The following GNG4 variants were observed in gnomAD, a reference collection of about 807,000 sequenced individuals.
GNG4 encodes the protein guanine nucleotide-binding protein G(I)/G(S)/G(O) subunit gamma-4.
Under a neutral mutation model 5.8 loss-of-function variants are expected in GNG4, and 4 were observed. That is an observed-to-expected ratio of 0.69 (90% CI 0.34 to 1.57). The LOEUF (loss-of-function observed/expected upper bound fraction) is 1.57. Among genes scored for constraint, GNG4 ranks in the 40% most tolerant of loss-of-function variants. GNG4 has a pLI of 0.06. For missense variants in GNG4, 96 were observed against 95.1 expected (o/e 1.01, Z -0.04); for synonymous variants, 29 against 32.9 (o/e 0.88, Z 0.41).
chr1:235,647,113 T>C (rs6680417), intron 1 of GNG4, among the ~76,000 whole-genome samples: 104,541 of 151,946 alleles, frequency 0.69, 36,608 homozygotes, highest in African/African-American at 0.78. Flanking sequence ...TGTTGATAGG[T>C]TATTTATGTA....
At chr1:235,631,633 C>A (rs1303494423) in intron 1 of GNG4, among the ~76,000 whole-genome samples, 1 of 150,538 alleles carries the variant, frequency 6.6e-6, no homozygotes, top group African/African-American at 2.5e-5. Flanking sequence ...TGCAGTGGTG[C>A]TATCTTGGCT....
At chr1:235,581,509 C>T (rs1236966829) in intron 3 of GNG4, among the ~76,000 whole-genome samples, 11 of 151,396 alleles carry the variant, frequency 7.3e-5, no homozygotes, top group African/African-American at 2.7e-4. Context: ...AGCGAGACTC[C>T]GTCTCAAAAA....
At chr1:235,587,328 A>C (rs370705237) in intron 2 of GNG4, among the ~76,000 whole-genome samples, 1 of 51,724 alleles carries the variant, frequency 1.9e-5, no homozygotes, top group South Asian at 7.9e-4. Context: ...TGTGTGTGAG[A>C]GTGTGAGAGC....
intron 1 of GNG4, among the ~76,000 whole-genome samples, chr1:235,628,269 A>G (rs1688859236): frequency 6.6e-6 from 1 of 152,210 alleles, no homozygotes; most frequent in African/African-American, 2.4e-5. Context: ...CCAAAAGCCT[A>G]AACCCCAGAG....
At chr1:235,609,777 C>T (rs894014675) in intron 1 of GNG4, among the ~76,000 whole-genome samples, 1 of 151,856 alleles carries the variant, frequency 6.6e-6, no homozygotes, top group Non-Finnish European at 1.5e-5. Flanking sequence ...TGTGGTGGCA[C>T]ACACTTGTAG....
chr1:235,575,555 C>T (rs1207450939), intron 3 of GNG4, among the ~76,000 whole-genome samples: 1 of 152,212 alleles, frequency 6.6e-6, no homozygotes, highest in African/African-American at 2.4e-5. Context: ...TTAATCTCAG[C>T]CTAAGGGCAG....
chr1:235,574,248 G>A (rs910274826), intron 3 of GNG4, among the ~76,000 whole-genome samples: 1 of 152,118 alleles, frequency 6.6e-6, no homozygotes, highest in Non-Finnish European at 1.5e-5. Flanking sequence ...GCACAGGCTT[G>A]TAATTCCAGC....
At chr1:235,553,200 G>T (rs1055798397) in intron 3 of GNG4, among the ~76,000 whole-genome samples, 1 of 152,210 alleles carries the variant, frequency 6.6e-6, no homozygotes, top group Non-Finnish European at 1.5e-5. Context: ...CTGTCCCCAA[G>T]CTCAAGGCCA....
At chr1:235,630,599 G>A (rs571462181) in intron 1 of GNG4, among the ~76,000 whole-genome samples, 4 of 152,188 alleles carry the variant, frequency 2.6e-5, no homozygotes, top group East Asian at 3.9e-4. Flanking sequence ...CCTGTCATAC[G>A]CAAGTCCTGT....
At chr1:235,564,932 C>T (rs1354395888) in intron 3 of GNG4, among the ~76,000 whole-genome samples, 1 of 152,162 alleles carries the variant, frequency 6.6e-6, no homozygotes, top group Non-Finnish European at 1.5e-5. Context: ...ATCCGCCCAC[C>T]TTGGCCTCCC....
At chr1:235,564,797 T>C (rs531956480) in intron 3 of GNG4, among the ~76,000 whole-genome samples, 144 of 152,312 alleles carry the variant, frequency 9.5e-4, no homozygotes, top group African/African-American at 3.4e-3. Flanking sequence ...GCGATTCTTC[T>C]GCCTCAGCCC....
At chr1:235,639,030 C>T (rs181074258) in intron 1 of GNG4, among the ~76,000 whole-genome samples, 1 of 152,052 alleles carries the variant, frequency 6.6e-6, no homozygotes, top group Admixed American at 6.6e-5. Flanking sequence ...CAGTAACGGG[C>T]CCTCCTGCAT....
At chr1:235,579,296 A>T (rs1247979878) in intron 3 of GNG4, among the ~76,000 whole-genome samples, 1 of 152,086 alleles carries the variant, frequency 6.6e-6, no homozygotes, top group African/African-American at 2.4e-5. Flanking sequence ...TCCACAATGT[A>T]TGCCTATGTC....
intron 1 of GNG4, among the ~76,000 whole-genome samples, chr1:235,620,289 G>A (rs953166715): frequency 9.9e-5 from 15 of 151,096 alleles, no homozygotes; most frequent in Non-Finnish European, 1.9e-4. Context: ...TGCTTGAACC[G>A]GGGAGGTGGA....
chr1:235,638,197 A>C (rs1657188165), intron 1 of GNG4, among the ~76,000 whole-genome samples: 1 of 152,198 alleles, frequency 6.6e-6, no homozygotes, highest in African/African-American at 2.4e-5. Flanking sequence ...CTAGCTCCGG[A>C]AATGTGGGTA....
chr1:235,618,183 G>A (rs567814833), intron 1 of GNG4, among the ~76,000 whole-genome samples: 2 of 152,292 alleles, frequency 1.3e-5, no homozygotes, highest in African/African-American at 4.8e-5. Context: ...TGAAATGTAA[G>A]GTCACAAACT....
Position 235,593,787 on chromosome 1 carries a change from C to A in GNG4, c.-11+1613G>T, listed in dbSNP as rs541294776. On this transcript the variant is annotated intron_variant, in intron 2 of 3. Transcript: ENST00000391854. ...TCCTTCCTCCCAGTGGGTTTGTGGTCTCGCTGGCTTCAGGAGTGAAGCCGC... is the reference window on the plus strand; with the variant it reads ...TCCTTCCTCCCAGTGGGTTTGTGGTATCGCTGGCTTCAGGAGTGAAGCCGC... Among the ~76,000 whole-genome samples, 3 of 152,216 alleles carry A rather than the reference C, an allele frequency of 2.0e-5. No homozygotes were observed. In the East Asian group the frequency reaches 5.8e-4, roughly 29 times the overall value.
chr1:235,603,738 G>T (rs777546475), intron 1 of GNG4, among the ~76,000 whole-genome samples: 17 of 152,174 alleles, frequency 1.1e-4, no homozygotes, highest in Non-Finnish European at 1.5e-4. Context: ...TTTGGGCAGG[G>T]CATGGGTTGT....
At chr1:235,565,260 G>A (rs1005075713) in intron 3 of GNG4, among the ~76,000 whole-genome samples, 14 of 152,050 alleles carry the variant, frequency 9.2e-5, no homozygotes, top group African/African-American at 3.4e-4. Flanking sequence ...CAGCAATTTG[G>A]GAGGCCGAGG....
Sources: allele counts gnomAD v4.1 joint callset (sites outside exome capture counted in the v4.1 genomes callset), GRCh38; gene constraint gnomAD v4.1.1; transcripts MANE v1.5; gene names NCBI Gene and HGNC (gene_info 2026-07-23, HGNC 2026-07-21).